NBAS: variants seen among roughly 807,000 people sequenced by gnomAD.
The protein encoded by NBAS is NAG/BC035112 fusion.
In NBAS, 219 loss-of-function variants were observed where a neutral mutation model predicts 302.5. The observed-to-expected ratio is 0.72, with a 90% CI of 0.65 to 0.81. The LOEUF (loss-of-function observed/expected upper bound fraction) is 0.81. Among genes scored for constraint, NBAS ranks in the 30% least tolerant of loss-of-function variants. NBAS has a pLI of 0.00. For missense variants in NBAS, 2,932 were observed against 2,841.6 expected, an observed-to-expected ratio of 1.03 and a Z score of -0.72; for synonymous variants, 1,118 against 1,021.6, an observed-to-expected ratio of 1.09 and a Z score of -1.80.
the NBAS span, among the ~76,000 whole-genome samples, chr2:15,137,704 T>C: frequency 2.0e-5 from 3 of 152,194 alleles, no homozygotes; most frequent in African/African-American, 7.2e-5. Flanking sequence ...GCATCATCTT[T>C]GCCCAGGGAA....
chr2:15,477,301 G>A (rs762162207), intron 13 of NBAS, among the ~76,000 whole-genome samples: 1 of 151,048 alleles, frequency 6.6e-6, no homozygotes, highest in Non-Finnish European at 1.5e-5. Flanking sequence ...TCACTCTGTC[G>A]CCCAGGCTGG....
At chr2:14,785,857 C>T in the NBAS span, among the ~76,000 whole-genome samples, 1 of 152,064 alleles carries the variant, frequency 6.6e-6, no homozygotes, top group Non-Finnish European at 1.5e-5. Context: ...GGGAGGATTC[C>T]CTCTTTTTCT....
At chr2:15,500,343 C>T (rs1344388520) in intron 11 of NBAS, among the ~76,000 whole-genome samples, 1 of 152,064 alleles carries the variant, frequency 6.6e-6, no homozygotes, top group Non-Finnish European at 1.5e-5. Context: ...GCTCTTCCAA[C>T]ATTCCACAAG....
At chr2:15,323,592 C>T (rs905058981) in intron 38 of NBAS, among the ~76,000 whole-genome samples, 4 of 151,976 alleles carry the variant, frequency 2.6e-5, no homozygotes, top group Non-Finnish European at 4.4e-5. Flanking sequence ...GTGCTCTGGG[C>T]GGCTGAGATG....
the NBAS span, among the ~76,000 whole-genome samples, chr2:14,868,658 C>T: frequency 2.6e-5 from 4 of 152,056 alleles, no homozygotes; most frequent in Non-Finnish European, 5.9e-5. Flanking sequence ...GCACTAGGTA[C>T]ATCCTCTCCT....
the NBAS span, among the ~76,000 whole-genome samples, chr2:14,887,410 A>AAAAAAAAAGAAAAAG: frequency 8.0e-5 from 12 of 150,564 alleles, no homozygotes; most frequent in Admixed American, 1.3e-4. Context: ...AAAAAAAAAA[A>AAAAAAAAAGAAAAAG]AAAAAGATAG....
intron 21 of NBAS, among the ~76,000 whole-genome samples, chr2:15,459,892 A>ATG (rs1679431945): frequency 6.6e-6 from 1 of 152,178 alleles, no homozygotes; most frequent in Admixed American, 6.5e-5. Flanking sequence ...CTTAAAGTAA[A>ATG]TACGGGTTCA....
At chr2:15,080,880 C>T in the NBAS span, among the ~76,000 whole-genome samples, 1 of 152,290 alleles carries the variant, frequency 6.6e-6, no homozygotes, top group East Asian at 1.9e-4. Context: ...TCTTAGGAGC[C>T]ATAACAGCAT....
chr2:15,243,518 A>T (rs145950342), intron 44 of NBAS, among the ~76,000 whole-genome samples: 3 of 152,108 alleles, frequency 2.0e-5, no homozygotes, highest in Non-Finnish European at 4.4e-5. Context: ...TTATTCTGAC[A>T]CACAACAGGT....
At chr2:15,297,466 C>T (rs763099330) in intron 40 of NBAS, among the ~76,000 whole-genome samples, 2 of 152,128 alleles carry the variant, frequency 1.3e-5, no homozygotes, top group African/African-American at 2.4e-5. Flanking sequence ...AGACTTCCCC[C>T]CTTGCTGTTC....
chr2:15,072,402 T>C, the NBAS span, among the ~76,000 whole-genome samples: 1 of 152,238 alleles, frequency 6.6e-6, no homozygotes, highest in Non-Finnish European at 1.5e-5. Context: ...ACATATTAAG[T>C]ACATGACTCC....
the NBAS span, among the ~76,000 whole-genome samples, chr2:14,828,093 T>C: frequency 6.6e-6 from 1 of 152,190 alleles, no homozygotes; most frequent in Admixed American, 6.5e-5. Flanking sequence ...TGGATACTGA[T>C]TGTATATGGT....
intron 9 of NBAS, among the ~76,000 whole-genome samples, chr2:15,528,401 T>C (rs13382647): frequency 0.014 from 2,074 of 147,914 alleles, 38 homozygotes; most frequent in African/African-American, 0.048. Context: ...ACAATATGAA[T>C]GTTTATATTA....
At chr2:15,102,522 T>C in the NBAS span, among the ~76,000 whole-genome samples, 2 of 152,208 alleles carry the variant, frequency 1.3e-5, no homozygotes, top group Admixed American at 1.3e-4. Flanking sequence ...TCTGCTCTTA[T>C]CTAAATTCCC....
Position 15,469,736 on chromosome 2 carries a change from G to A in NBAS, c.1726-1203C>T, listed in dbSNP as rs183455532. 4.8e-3 allele frequency among the ~76,000 whole-genome samples: 719 copies of A among 150,006 alleles called. 8 individuals are homozygous for A. The highest frequency in any genetic ancestry group is 0.016 in the African/African-American group (668 of 40,882). ...ATCATTCTGAGCAAACTATCACAAGGACAGAAAACCAAACACCGCATGTTC... is the reference window on the plus strand; with the variant it reads ...ATCATTCTGAGCAAACTATCACAAGAACAGAAAACCAAACACCGCATGTTC... On this transcript the variant is annotated intron_variant, in intron 16 of 51. Coordinates refer to ENST00000281513, the MANE Select transcript of NBAS (RefSeq NM_015909.4).
the NBAS span, among the ~76,000 whole-genome samples, chr2:14,854,094 A>T: frequency 3.6e-3 from 551 of 151,340 alleles, 4 homozygotes; most frequent in African/African-American, 0.011. Flanking sequence ...ATAATAATAA[A>T]AAAAAGAAGA....
At chr2:15,023,919 T>C in the NBAS span, among the ~76,000 whole-genome samples, 3 of 152,130 alleles carry the variant, frequency 2.0e-5, no homozygotes, top group South Asian at 2.1e-4. Context: ...TTTTACATAT[T>C]CAAATATATC....
the NBAS span, among the ~76,000 whole-genome samples, chr2:15,144,698 G>C: frequency 6.6e-6 from 1 of 152,172 alleles, no homozygotes; most frequent in Non-Finnish European, 1.5e-5. Flanking sequence ...CAGCAGAATA[G>C]AGGAGAAAGT....
intron 7 of NBAS, among the ~76,000 whole-genome samples, chr2:15,537,892 G>A (rs1663596666): frequency 6.6e-6 from 1 of 152,152 alleles, no homozygotes; most frequent in East Asian, 1.9e-4. Context: ...AATTTAAGCA[G>A]GCAGAGAAAA....
Sources: allele counts gnomAD v4.1 joint callset (sites outside exome capture counted in the v4.1 genomes callset), GRCh38; gene constraint gnomAD v4.1.1; transcripts MANE v1.5; gene names NCBI Gene and HGNC (gene_info 2026-07-23, HGNC 2026-07-21).